Variants in ZBTB7C observed in about 807,000 individuals in gnomAD.
ZBTB7C encodes the protein zinc finger and BTB domain-containing protein 7C.
Under a neutral mutation model 25.7 loss-of-function variants are expected in ZBTB7C, and 8 were observed. The ratio of observed to expected loss-of-function variants is 0.31; its 90% CI spans 0.18 to 0.56. The LOEUF (loss-of-function observed/expected upper bound fraction) is 0.56. Among genes scored for constraint, ZBTB7C ranks in the 20% least tolerant of loss-of-function variants. The pLI, the probability that ZBTB7C is intolerant of heterozygous loss-of-function variation, is 0.91. For synonymous variants in ZBTB7C, 394 were observed against 369.0 expected (o/e 1.07, Z -0.78); for missense variants, 824 against 855.2 (o/e 0.96, Z 0.46).
chr18:48,313,430 G>C (rs1195773558), intron 2 of ZBTB7C, among the ~76,000 whole-genome samples: 1 of 152,212 alleles, frequency 6.6e-6, no homozygotes, highest in East Asian at 1.9e-4. Flanking sequence ...GATCCGAATT[G>C]TGGGGGTCAG....
chr18:48,288,612 C>A (rs2045128308), intron 2 of ZBTB7C, among the ~76,000 whole-genome samples: 1 of 152,066 alleles, frequency 6.6e-6, no homozygotes, highest in Admixed American at 6.5e-5. Context: ...GCCGAGATCA[C>A]ACCATTACAC....
intron 3 of ZBTB7C, among the ~76,000 whole-genome samples, chr18:48,088,571 T>C (rs1285881097): frequency 6.6e-6 from 1 of 152,198 alleles, no homozygotes; most frequent in Non-Finnish European, 1.5e-5. Context: ...CTCACACCTA[T>C]AATCCCAGCA....
At chr18:48,253,877 T>A (rs1357639369) in intron 2 of ZBTB7C, among the ~76,000 whole-genome samples, 1 of 152,186 alleles carries the variant, frequency 6.6e-6, no homozygotes, top group Non-Finnish European at 1.5e-5. Context: ...TAACTGAAAG[T>A]CACAGTAGCA....
At chr18:48,074,853 C>T (rs146208624) in intron 3 of ZBTB7C, among the ~76,000 whole-genome samples, 101 of 152,312 alleles carry the variant, frequency 6.6e-4, no homozygotes, top group African/African-American at 1.7e-3. Context: ...CTTAAAGGAA[C>T]GGACACCCAG....
At chr18:48,302,869 G>A (rs1351867797) in intron 2 of ZBTB7C, among the ~76,000 whole-genome samples, 2 of 152,196 alleles carry the variant, frequency 1.3e-5, no homozygotes, top group East Asian at 3.8e-4. Context: ...AAGTCATCAG[G>A]AACCAGCCCC....
In ZBTB7C at chr18:48,045,547, C is replaced by G. The variant is rs527920870; in HGVS notation, c.-16-4424G>C. Among the ~76,000 whole-genome samples, 5 of 152,302 alleles carry G rather than the reference C, an allele frequency of 3.3e-5. No individual in the cohort carries two copies. The East Asian group carries it at 9.7e-4, about 29-fold the overall frequency. Reference sequence around the variant, plus strand: ...GCCCCTACTCTCCAATCCCTAAACACACACCCTGTTCTCAGCTGCCATGCC... The same window carrying G: ...GCCCCTACTCTCCAATCCCTAAACAGACACCCTGTTCTCAGCTGCCATGCC... On this transcript the variant is annotated intron_variant, in intron 3 of 4. Transcript: ENST00000590800.
intron 3 of ZBTB7C, among the ~76,000 whole-genome samples, chr18:48,135,457 T>C (rs763376395): frequency 7.9e-5 from 12 of 152,166 alleles, no homozygotes; most frequent in Admixed American, 3.3e-4. Context: ...ATTTAACCCA[T>C]TTGGGCCTCA....
chr18:48,173,987 AATTCC>A (rs2041585831), intron 3 of ZBTB7C, among the ~76,000 whole-genome samples: 1 of 152,246 alleles, frequency 6.6e-6, no homozygotes, highest in African/African-American at 2.4e-5. Flanking sequence ...ATCAACCTGG[AATTCC>A]AATTCATCTT....
At chr18:48,119,739 C>A (rs1354505586) in intron 3 of ZBTB7C, among the ~76,000 whole-genome samples, 2 of 152,144 alleles carry the variant, frequency 1.3e-5, no homozygotes, top group Admixed American at 1.3e-4. Flanking sequence ...TTGGGTCTCC[C>A]CTGAGCTCCA....
chr18:48,326,794 C>G (rs1261845438), intron 2 of ZBTB7C, among the ~76,000 whole-genome samples: 1 of 152,146 alleles, frequency 6.6e-6, no homozygotes, highest in Non-Finnish European at 1.5e-5. Flanking sequence ...ATGGGGACAA[C>G]AGGGGCAGGG....
chr18:48,405,801 C>T (rs6507843), intron 1 of ZBTB7C, among the ~76,000 whole-genome samples: 6,803 of 9,790 alleles, frequency 0.69, 2,160 homozygotes, highest in Middle Eastern at 0.87. Context: ...ACCCTCCCTG[C>T]AGGATGCTGC....
At chr18:48,055,216 C>T (rs1473187068) in intron 3 of ZBTB7C, among the ~76,000 whole-genome samples, 1 of 151,412 alleles carries the variant, frequency 6.6e-6, no homozygotes, top group East Asian at 1.9e-4. Context: ...TCAAGACCAG[C>T]CTGGCCATCA....
At chr18:48,192,550 A>G (rs2042221281) in intron 2 of ZBTB7C, among the ~76,000 whole-genome samples, 1 of 152,222 alleles carries the variant, frequency 6.6e-6, no homozygotes. Flanking sequence ...TGCAACCACC[A>G]TCTCCCGGGT....
chr18:48,266,504 A>C (rs1302800879), intron 2 of ZBTB7C, among the ~76,000 whole-genome samples: 1 of 152,250 alleles, frequency 6.6e-6, no homozygotes, highest in East Asian at 1.9e-4. Flanking sequence ...CCAAGACTTG[A>C]CCTGCATTCT....
intron 3 of ZBTB7C, among the ~76,000 whole-genome samples, chr18:48,157,604 G>A (rs189508622): frequency 1.0e-3 from 159 of 152,286 alleles, no homozygotes; most frequent in African/African-American, 3.7e-3. Flanking sequence ...CCAGCAGAAA[G>A]ACAGCACTTA....
At chr18:48,143,923 A>G (rs2040423256) in intron 3 of ZBTB7C, among the ~76,000 whole-genome samples, 2 of 152,160 alleles carry the variant, frequency 1.3e-5, no homozygotes, top group Admixed American at 6.5e-5. Flanking sequence ...CCCCTATTGC[A>G]GTCCGGCCCA....
chr18:48,399,565 G>T (rs918080729), intron 1 of ZBTB7C, among the ~76,000 whole-genome samples: 23 of 152,144 alleles, frequency 1.5e-4, no homozygotes, highest in African/African-American at 5.6e-4. Context: ...TCTGGCCCTG[G>T]GCTCCTCAAC....
chr18:48,281,424 C>T (rs2044845137), intron 2 of ZBTB7C, among the ~76,000 whole-genome samples: 1 of 152,026 alleles, frequency 6.6e-6, no homozygotes. Flanking sequence ...TCTAAAACAC[C>T]AAAAGCAATG....
rs572878627 is a variant in ZBTB7C, at chr18:48,204,209, C to T, written c.-78-18214G>A. On this transcript the variant is annotated intron_variant, in intron 2 of 4. Coordinates refer to ENST00000590800, the MANE Select transcript of ZBTB7C (RefSeq NM_001318841.2). ...ATAGAATGTGCCTGGAGAGGGTCCT[C>T]ACAGAGACAGCAGACGTGCTGGGAG... 8.7e-4 allele frequency among the ~76,000 whole-genome samples: 132 copies of T among 152,298 alleles called. 1 individual carries two copies. The South Asian group carries it at 0.016, about 19-fold the overall frequency.
Sources: gnomAD v4.1 joint callset for allele counts (sites outside exome capture counted in the v4.1 genomes callset) on GRCh38, gnomAD v4.1.1 for gene constraint, MANE v1.5 for transcripts, NCBI Gene and HGNC (gene_info 2026-07-23, HGNC 2026-07-21) for gene names.